Variants in RANBP2 observed in about 807,000 individuals in gnomAD.
RANBP2 encodes E3 SUMO-protein ligase RanBP2.
RANBP2 carries 57 observed loss-of-function variants against 303.6 expected under a neutral mutation model. That is an observed-to-expected ratio of 0.19 (90% CI 0.15 to 0.23). The LOEUF is 0.23. RANBP2 is among the 10% of genes least tolerant of loss of function. RANBP2 has a pLI of 1.00. For missense variants in RANBP2, 3,138 were observed against 3,780.8 expected, an observed-to-expected ratio of 0.83 and a Z score of 4.46; for synonymous variants, 1,167 against 1,301.5, an observed-to-expected ratio of 0.90 and a Z score of 2.23.
the RANBP2 span, among the ~76,000 whole-genome samples, chr2:109,115,777 C>T: frequency 3.3e-5 from 5 of 152,142 alleles, no homozygotes; most frequent in Admixed American, 1.3e-4. Flanking sequence ...ACCGGTTGTT[C>T]CTTTCCATGT....
the RANBP2 span, among the ~76,000 whole-genome samples, chr2:109,168,632 C>T: frequency 6.6e-6 from 1 of 151,556 alleles, no homozygotes. Flanking sequence ...TCTTACAAAT[C>T]GATGCCATGG....
chr2:108,735,963 G>T (rs1477697827), intron 5 of RANBP2, 141 bp from the exon 6 acceptor site: 5 of 1,561,530 alleles, frequency 3.2e-6, no homozygotes, highest in African/African-American at 1.4e-5. Context: ...ATATATTTTT[G>T]GTGTTTTATA....
At chr2:109,013,595 CTT>C in the RANBP2 span, among the ~76,000 whole-genome samples, 11 of 144,746 alleles carry the variant, frequency 7.6e-5, no homozygotes, top group Admixed American at 3.5e-4. Flanking sequence ...TCTTTCCAAT[CTT>C]TTTTTTTTTT....
At chr2:108,879,003 T>C in the RANBP2 span, among the ~76,000 whole-genome samples, 1 of 148,608 alleles carries the variant, frequency 6.7e-6, no homozygotes, top group Non-Finnish European at 1.5e-5. Context: ...GATAAAGAAG[T>C]TTAAAAATTA....
the RANBP2 span, among the ~76,000 whole-genome samples, chr2:109,527,229 G>A: frequency 3.3e-5 from 5 of 152,178 alleles, no homozygotes; most frequent in African/African-American, 1.2e-4. Flanking sequence ...GCTGCCGCAC[G>A]CCTTCACTGT....
the RANBP2 span, among the ~76,000 whole-genome samples, chr2:109,133,018 T>C: frequency 6.6e-6 from 1 of 152,264 alleles, no homozygotes; most frequent in Non-Finnish European, 1.5e-5. Flanking sequence ...CTGCAGTTCA[T>C]GTAGACTCGG....
rs1309637264 is a variant in RANBP2, at chr2:108,766,834, T to C, written c.6295T>C (p.Ser2099Pro). 1 of 1,611,920 alleles carries C rather than the reference T, an allele frequency of 6.2e-7. No individual in the cohort carries two copies. Among genetic ancestry groups the C allele is most frequent in the Non-Finnish European group, 8.5e-7 (1 of 1,179,868 alleles). ...ITTTMNLKPL[S>P]GSDRAWMWLA... is the part of the protein sequence containing the mutation. ...GACTACGATGAACCTGAAGCCTCTC[T>C]CTGGATCAGATAGAGCATGGATGTG... The change falls in exon 20 of 29, where the codon TCT becomes CCT. Residue 2099 changes from serine (S) to proline (P), a missense_variant. Physicochemically the swap from Ser to Pro is moderately conservative, Grantham distance 74. Transcript: ENST00000283195.
At chr2:108,742,935 C>T (rs1454328913) in intron 7 of RANBP2, among the ~76,000 whole-genome samples, 6 of 151,900 alleles carry the variant, frequency 3.9e-5, no homozygotes, top group Non-Finnish European at 5.9e-5. Flanking sequence ...ACTACAGGCA[C>T]CCACCACCAC....
At chr2:109,584,125 C>A in the RANBP2 span, among the ~76,000 whole-genome samples, 1 of 152,122 alleles carries the variant, frequency 6.6e-6, no homozygotes, top group East Asian at 1.9e-4. Context: ...TGCAAATGTA[C>A]CCCAAATCTA....
At chr2:109,624,097 T>C in the RANBP2 span, among the ~76,000 whole-genome samples, 1 of 152,122 alleles carries the variant, frequency 6.6e-6, no homozygotes, top group South Asian at 2.1e-4. Flanking sequence ...CAAGGGAGCA[T>C]GGAGGGTGGC....
At chr2:109,380,471 G>A in the RANBP2 span, among the ~76,000 whole-genome samples, 1 of 152,146 alleles carries the variant, frequency 6.6e-6, no homozygotes. Flanking sequence ...ATCAAGCATG[G>A]GGAATGCCCC....
chr2:109,446,337 G>C, the RANBP2 span, among the ~76,000 whole-genome samples: 14,383 of 152,210 alleles, frequency 0.094, 2,163 homozygotes, highest in African/African-American at 0.31. Context: ...ACATGCCAGG[G>C]ACCATTGCGG....
the RANBP2 span, among the ~76,000 whole-genome samples, chr2:108,846,064 CAG>C: frequency 2.6e-5 from 4 of 151,904 alleles, no homozygotes; most frequent in Non-Finnish European, 5.9e-5. Flanking sequence ...CTTTTTAAAT[CAG>C]AGTTAGCTGA....
At chr2:108,933,438 A>C in the RANBP2 span, among the ~76,000 whole-genome samples, 41 of 152,266 alleles carry the variant, frequency 2.7e-4, no homozygotes, top group African/African-American at 9.1e-4. Flanking sequence ...ATCCCAGAGG[A>C]CAGACCTGAC....
At chr2:108,926,186 G>A in the RANBP2 span, among the ~76,000 whole-genome samples, 1 of 152,194 alleles carries the variant, frequency 6.6e-6, no homozygotes, top group Non-Finnish European at 1.5e-5. Flanking sequence ...TCACCAACCC[G>A]AAATCAGGTG....
At chr2:109,528,456 G>A in the RANBP2 span, among the ~76,000 whole-genome samples, 106 of 152,346 alleles carry the variant, frequency 7.0e-4, no homozygotes, top group Non-Finnish European at 1.4e-3. Flanking sequence ...GCCCTCCTGG[G>A]AAGGATCAAG....
chr2:108,803,224 C>T, the RANBP2 span, among the ~76,000 whole-genome samples: 1 of 152,186 alleles, frequency 6.6e-6, no homozygotes, highest in African/African-American at 2.4e-5. Flanking sequence ...TTTGGTCTGT[C>T]CTGTGCCCGC....
the RANBP2 span, among the ~76,000 whole-genome samples, chr2:109,709,716 G>C: frequency 6.6e-6 from 1 of 152,238 alleles, no homozygotes; most frequent in Non-Finnish European, 1.5e-5. Flanking sequence ...TACATATGGA[G>C]GGAAGGTCTT....
At chr2:109,271,635 C>T in the RANBP2 span, among the ~76,000 whole-genome samples, 1 of 152,164 alleles carries the variant, frequency 6.6e-6, no homozygotes, top group South Asian at 2.1e-4. Flanking sequence ...CGTGTGGTTC[C>T]CAGGATGCCA....
Sources: allele counts gnomAD v4.1 joint callset (sites outside exome capture counted in the v4.1 genomes callset), GRCh38; gene constraint gnomAD v4.1.1; transcripts MANE v1.5; gene names NCBI Gene and HGNC (gene_info 2026-07-23, HGNC 2026-07-21).